The following BACE1 variants were observed in gnomAD, a reference collection of about 807,000 sequenced individuals.
BACE1 encodes APP beta-secretase.
A neutral mutation model predicts 54.0 loss-of-function variants in BACE1; 21 were observed. The observed-to-expected ratio is 0.39, with a 90% CI of 0.28 to 0.56. The LOEUF is 0.56. Among genes scored for constraint, BACE1 ranks in the 20% least tolerant of loss-of-function variants. The pLI is 0.63. For missense variants in BACE1, 511 were observed against 661.2 expected (o/e 0.77, Z 2.49); for synonymous variants, 232 against 260.9 (o/e 0.89, Z 1.07).
At chr11:117,311,238 G>A (rs956239611) in intron 1 of BACE1, among the ~76,000 whole-genome samples, 2 of 152,120 alleles carry the variant, frequency 1.3e-5, no homozygotes, top group Admixed American at 6.5e-5. Context: ...AGTTACTCAG[G>A]AGCCTGAGGC....
At chr11:117,300,594 C>T (rs964214429) in intron 1 of BACE1, among the ~76,000 whole-genome samples, 1 of 152,212 alleles carries the variant, frequency 6.6e-6, no homozygotes, top group Non-Finnish European at 1.5e-5. Flanking sequence ...ACCCCAGCAG[C>T]TGGGTTCCCC....
Position 117,315,704 on chromosome 11 carries a change from C to T in BACE1, c.92G>A (p.Arg31His). 1 of 1,502,368 alleles carries T rather than the reference C, an allele frequency of 6.7e-7. No individual in the cohort carries two copies. The highest frequency in any genetic ancestry group is 2.7e-5 in the East Asian group (1 of 36,366). The allele number at this position is 1,502,368 out of a possible 1,614,324, so 93.1% of individuals were successfully genotyped here. The change falls in exon 1 of 9, where the codon CGC (arginine) becomes CAC (histidine). Residue 31 changes from arginine to histidine, a missense_variant. Transcript: ENST00000313005. The surrounding 1 kb of genome is among the most constrained non-coding windows in gnomAD (Gnocchi z 5.5). ...CAGGGGGGCGCCCCCCAGGCCGCTG[C>T]GCAGGGGCAGCCGGATGCCGTGCTG... ...GTQHGIRLPL[R>H]SGLGGAPLGL...
At chr11:117,300,040 C>G (rs962973401) in intron 1 of BACE1, among the ~76,000 whole-genome samples, 4 of 152,120 alleles carry the variant, frequency 2.6e-5, no homozygotes, top group African/African-American at 9.7e-5. Context: ...CCTGCCTCCC[C>G]CTTCCTCTCC....
At chr11:117,309,016 C>T (rs2034891671) in intron 1 of BACE1, among the ~76,000 whole-genome samples, 1 of 152,104 alleles carries the variant, frequency 6.6e-6, no homozygotes, top group South Asian at 2.1e-4. Context: ...TGCTTTGTTC[C>T]CTGACAAAAA....
chr11:117,311,999 C>T (rs2034952680), intron 1 of BACE1, among the ~76,000 whole-genome samples: 1 of 152,212 alleles, frequency 6.6e-6, no homozygotes, highest in Non-Finnish European at 1.5e-5. Context: ...ATGTCATTCC[C>T]CTGCCCCAAT....
Position 117,316,154 on chromosome 11 carries a change from G to A in BACE1, c.-359C>T. ...CCGGCGGGCGGCGGCGCGGGCAGGG[G>A]CAAGGGCTCCGGGCTCCTGCGGCTG... On this transcript the variant is annotated 5_prime_UTR_variant, in exon 1 of 9. Transcript: ENST00000313005. The A allele has an allele frequency of 2.5e-6, 1 of 398,920 alleles. No individual in the cohort carries two copies. Among genetic ancestry groups the A allele is most frequent in the Non-Finnish European group, 4.4e-6 (1 of 226,470 alleles). The allele number at this position is 398,920 out of a possible 1,614,324, so 24.7% of individuals were successfully genotyped here.
chr11:117,298,940 G>T (rs2034660421), intron 1 of BACE1, among the ~76,000 whole-genome samples: 1 of 152,150 alleles, frequency 6.6e-6, no homozygotes, highest in African/African-American at 2.4e-5. Context: ...TGAGTAGCTG[G>T]GATTACAAGT....
rs181137521 is a variant in BACE1, at chr11:117,294,177, A to G, written c.568-169T>C. Reference sequence around the variant, plus strand: ...GGAAGGGTTAGCAGGAGCCCTGGCAATGCAAACAGGACAGTATTGATAGGT... The same window carrying G: ...GGAAGGGTTAGCAGGAGCCCTGGCAGTGCAAACAGGACAGTATTGATAGGT... On this transcript the variant is annotated intron_variant, in intron 3 of 8. Coordinates refer to ENST00000313005, the MANE Select transcript of BACE1 (RefSeq NM_012104.6). 6.3e-5 allele frequency: 39 copies of G among 623,942 alleles called. 1 individual carries two copies. The East Asian group carries it at 8.9e-4, about 14-fold the overall frequency. 38.7% of individuals were successfully genotyped at this position (623,942 alleles called of 1,614,324 possible).
At chr11:117,299,889 A>G (rs2034684282) in intron 1 of BACE1, among the ~76,000 whole-genome samples, 1 of 152,136 alleles carries the variant, frequency 6.6e-6, no homozygotes, top group Non-Finnish European at 1.5e-5. Flanking sequence ...ACTGGACCCC[A>G]AAGAAAGAGG....
Position 117,289,336 on chromosome 11 carries a change from T to C in BACE1, c.*230A>G, listed in dbSNP as rs2034346906. 1 of 594,026 alleles carries C rather than the reference T, an allele frequency of 1.7e-6. No individual in the cohort carries two copies. The highest frequency in any genetic ancestry group is 3.0e-5 in the East Asian group (1 of 32,946). The allele number at this position is 594,026 out of a possible 1,614,324, so 36.8% of individuals were successfully genotyped here. On this transcript the variant is annotated 3_prime_UTR_variant, in exon 9 of 9. Coordinates refer to ENST00000313005, the MANE Select transcript of BACE1 (RefSeq NM_012104.6). ...CTTAAATTTGAGGTGACCAAGAGTA[T>C]TCCCGCCAGCAGAGTGCTTCTTTCT...
At chr11:117,306,177 TCCCTC>T (rs937363949) in intron 1 of BACE1, among the ~76,000 whole-genome samples, 9 of 152,074 alleles carry the variant, frequency 5.9e-5, no homozygotes, top group African/African-American at 1.9e-4. Context: ...TTCCTCTGCT[TCCCTC>T]CCCTGCCTGT....
At chr11:117,304,416 A>C (rs111852602) in intron 1 of BACE1, among the ~76,000 whole-genome samples, 5 of 152,350 alleles carry the variant, frequency 3.3e-5, no homozygotes, top group African/African-American at 1.2e-4. Context: ...TGTTTGGGCC[A>C]CTAAATTTTG....
At chr11:117,297,015 C>T in intron 1 of BACE1, 54 bp from the exon 2 acceptor site, 1 of 1,339,270 alleles carries the variant, frequency 7.5e-7, no homozygotes, top group Non-Finnish European at 1.1e-6. Flanking sequence ...TTCGGTCACA[C>T]CACCTTTATT....
rs909239603 is a variant in BACE1 at position 117,315,238 on chromosome 11, C to T, written c.261+297G>A. Among the ~76,000 whole-genome samples the T allele has an allele frequency of 6.6e-6, 1 of 152,194 alleles. No homozygotes were observed. Among genetic ancestry groups the T allele is most frequent in the Non-Finnish European group, 1.5e-5 (1 of 68,040 alleles). ...TGTTATAGTGCCCCTGTGGCGGACC[C>T]TTCCTCCAGGTCAGGGTCCCCAGCT... is the stretch of plus-strand genomic sequence containing the variant. On this transcript the variant is annotated intron_variant, in intron 1 of 8. Transcript: ENST00000313005. This position sits in a 1 kb window ranked among gnomAD's most constrained non-coding sequence, Gnocchi z 5.5.
At position 117,296,905 on chromosome 11, in the gene BACE1, G is replaced by C. The variant is rs1365819353; in HGVS notation, c.318C>G (p.His106Gln). 1 of 1,613,744 alleles carries C rather than the reference G, an allele frequency of 6.2e-7. No individual in the cohort carries two copies. ...SSNFAVGAAP[H>Q]PFLHRYYQRQ... Reference sequence around the variant, plus strand: ...TCTGGTAGTAGCGATGCAGGAAGGGGTGGGGGGCAGCACCCACTGCAAAGT... The same window carrying C: ...TCTGGTAGTAGCGATGCAGGAAGGGCTGGGGGGCAGCACCCACTGCAAAGT... Residue 106 changes from histidine (H) to glutamine (Q), a missense_variant, in exon 2 of 9, where the codon CAC (histidine) becomes CAG (glutamine). Physicochemically the swap from His to Gln is conservative, Grantham distance 24 (BLOSUM62 0). Coordinates refer to ENST00000313005, the MANE Select transcript of BACE1 (RefSeq NM_012104.6).
In BACE1 at chr11:117,292,900, C is replaced by T; in HGVS notation, c.840+154G>A. 4.7e-6 allele frequency: 4 copies of T among 848,626 alleles called. 1 individual carries two copies. Among genetic ancestry groups the T allele is most frequent in the South Asian group, 3.9e-5 (2 of 51,094 alleles). 52.6% of individuals were successfully genotyped at this position (848,626 alleles called of 1,614,324 possible). ...CCAAACCGCAGATCCTGCTGTGTGA[C>T]CATTAAGCCCCTGACTGTTCTAGGC... is the stretch of plus-strand genomic sequence containing the variant. On this transcript the variant is annotated intron_variant, in intron 5 of 8. Transcript: ENST00000313005.
At chr11:117,300,390 A>T (rs921627450) in intron 1 of BACE1, among the ~76,000 whole-genome samples, 5 of 152,040 alleles carry the variant, frequency 3.3e-5, no homozygotes, top group Non-Finnish European at 5.9e-5. Context: ...CCTGTCCTTC[A>T]GCGCTTCGAA....
At chr11:117,312,493 C>A (rs1018608387) in intron 1 of BACE1, among the ~76,000 whole-genome samples, 4 of 151,908 alleles carry the variant, frequency 2.6e-5, no homozygotes, top group Non-Finnish European at 4.4e-5. Context: ...GACGGAGTCT[C>A]GCTCTGTCAC....
chr11:117,290,414 A>G lies in BACE1; in HGVS notation c.1264+74T>C, dbSNP rs2034388334. On this transcript the variant is annotated intron_variant, in intron 8 of 8. Coordinates refer to ENST00000313005, the MANE Select transcript of BACE1 (RefSeq NM_012104.6). ...CCCTCCCCTAAACTGACAGGGACCCAGGTATACTAACTGTTGTTTGACAAG... is the reference window on the plus strand; with the variant it reads ...CCCTCCCCTAAACTGACAGGGACCCGGGTATACTAACTGTTGTTTGACAAG... 2.7e-5 allele frequency: 42 copies of G among 1,550,256 alleles called. 1 individual carries two copies. The South Asian group carries it at 4.9e-4, about 18-fold the overall frequency.
Sources: allele counts gnomAD v4.1 joint callset (sites outside exome capture counted in the v4.1 genomes callset), GRCh38; gene constraint gnomAD v4.1.1; non-coding constraint Gnocchi (gnomAD v3.1); transcripts MANE v1.5; gene names NCBI Gene and HGNC (gene_info 2026-07-23, HGNC 2026-07-21).